MACROD2: variants seen among roughly 807,000 people sequenced by gnomAD.
The protein encoded by MACROD2 is mono-ADP ribosylhydrolase 2.
Under a neutral mutation model 70.4 loss-of-function variants are expected in MACROD2, and 36 were observed. The ratio of observed to expected loss-of-function variants is 0.51; its 90% confidence interval spans 0.39 to 0.68. MACROD2 has a LOEUF of 0.68. Among genes scored for constraint, MACROD2 ranks in the 30% least tolerant of loss-of-function variants. The probability of loss-of-function intolerance (pLI) is 0.00; values close to 1 mark genes in which losing one functional copy is unlikely to be tolerated. For synonymous variants in MACROD2, 172 were observed against 178.8 expected, an observed-to-expected ratio of 0.96 and a Z score of 0.30; for missense variants, 496 against 538.4, an observed-to-expected ratio of 0.92 and a Z score of 0.78.
At chr20:15,151,800 A>G (rs2076271837) in intron 5 of MACROD2, among the ~76,000 whole-genome samples, 1 of 152,004 alleles carries the variant, frequency 6.6e-6, no homozygotes, top group Admixed American at 6.6e-5. Context: ...CTAGTCATGG[A>G]ACGAAACTGT....
chr20:15,077,004 A>G (rs893884923), intron 5 of MACROD2, among the ~76,000 whole-genome samples: 2 of 152,180 alleles, frequency 1.3e-5, no homozygotes, highest in African/African-American at 4.8e-5. Context: ...AACAATGTTT[A>G]CAGTGTTTTA....
At chr20:15,231,763 C>T (rs1029252944) in intron 6 of MACROD2, among the ~76,000 whole-genome samples, 6 of 151,948 alleles carry the variant, frequency 3.9e-5, no homozygotes, top group African/African-American at 1.4e-4. Flanking sequence ...TGCAGATGGG[C>T]TGAAGTAATG....
At chr20:15,145,078 A>G (rs1427842866) in intron 5 of MACROD2, among the ~76,000 whole-genome samples, 2 of 152,132 alleles carry the variant, frequency 1.3e-5, no homozygotes, top group Non-Finnish European at 2.9e-5. Flanking sequence ...AACTCAGTAA[A>G]TGGTTATCTT....
rs1293219913 is a variant in MACROD2 at position 15,978,100 on chromosome 20, T to C, written c.986-8627T>C. Among the ~76,000 whole-genome samples the C allele has an allele frequency of 5.9e-5, 9 of 152,178 alleles. 1 individual carries two copies. The highest frequency in any genetic ancestry group is 1.3e-4 in the Non-Finnish European group (9 of 68,012). On this transcript the variant is annotated intron_variant, in intron 13 of 17. Transcript: ENST00000684519. ...TTGCATGCAAATCACATGGACATCT[T>C]GTTATACAATGCAGGCTCTGATTCT...
At chr20:15,087,642 C>T (rs936329067) in intron 5 of MACROD2, among the ~76,000 whole-genome samples, 6 of 151,680 alleles carry the variant, frequency 4.0e-5, no homozygotes, top group Admixed American at 6.6e-5. Flanking sequence ...TTTAACTTTG[C>T]GGTAGGAGAG....
intron 7 of MACROD2, among the ~76,000 whole-genome samples, chr20:15,440,171 G>A (rs187642007): frequency 8.5e-5 from 13 of 152,210 alleles, no homozygotes; most frequent in Admixed American, 3.9e-4. Flanking sequence ...AGTGTATTCC[G>A]TGAGTACTTA....
chr20:14,597,737 C>G (rs1568690673), intron 4 of MACROD2, among the ~76,000 whole-genome samples: 1 of 151,978 alleles, frequency 6.6e-6, no homozygotes, highest in Non-Finnish European at 1.5e-5. Context: ...CTTTCCTTTT[C>G]CTTTTTTTGG....
At chr20:15,406,070 G>T (rs2045996611) in intron 6 of MACROD2, among the ~76,000 whole-genome samples, 1 of 152,114 alleles carries the variant, frequency 6.6e-6, no homozygotes, top group Admixed American at 6.6e-5. Flanking sequence ...GAGAGGAGAG[G>T]TTTTTCCCCT....
chr20:15,365,383 A>T (rs1196436967), intron 6 of MACROD2, among the ~76,000 whole-genome samples: 1 of 152,102 alleles, frequency 6.6e-6, no homozygotes, highest in African/African-American at 2.4e-5. Context: ...ATATTGGAAG[A>T]GGCCAGGCAT....
chr20:15,649,460 G>A (rs1378052404), intron 8 of MACROD2, among the ~76,000 whole-genome samples: 1 of 151,980 alleles, frequency 6.6e-6, no homozygotes, highest in Non-Finnish European at 1.5e-5. Flanking sequence ...TTATGACAGA[G>A]CTCACTCATT....
intron 9 of MACROD2, among the ~76,000 whole-genome samples, chr20:15,876,310 G>T (rs141429125): frequency 0.018 from 2,714 of 151,598 alleles, 91 homozygotes; most frequent in African/African-American, 0.063. Context: ...TTCCCTTCCT[G>T]TGTCCAAGTG....
chr20:15,422,044 C>CA (rs1365459991), intron 6 of MACROD2, among the ~76,000 whole-genome samples: 2 of 152,152 alleles, frequency 1.3e-5, no homozygotes, highest in African/African-American at 2.4e-5. Flanking sequence ...GGAGTAGAAT[C>CA]ATGCTTTGTG....
chr20:14,488,392 G>C (rs1486353732), intron 3 of MACROD2, among the ~76,000 whole-genome samples: 1 of 152,130 alleles, frequency 6.6e-6, no homozygotes, highest in Non-Finnish European at 1.5e-5. Flanking sequence ...AGGGTGACTG[G>C]TATGTAGCAC....
chr20:15,944,437 A>G (rs1308418616), intron 12 of MACROD2, among the ~76,000 whole-genome samples: 2 of 94,504 alleles, frequency 2.1e-5, no homozygotes, highest in African/African-American at 5.6e-5. Flanking sequence ...GTATTCTGCA[A>G]TGCATAAAAG....
At chr20:15,931,289 G>A (rs2065572772) in intron 10 of MACROD2, among the ~76,000 whole-genome samples, 2 of 152,146 alleles carry the variant, frequency 1.3e-5, no homozygotes, top group African/African-American at 4.8e-5. Context: ...TGTAGTACTT[G>A]TAAATATGCC....
At chr20:14,840,874 G>A (rs946855284) in intron 5 of MACROD2, among the ~76,000 whole-genome samples, 2 of 152,054 alleles carry the variant, frequency 1.3e-5, no homozygotes, top group Non-Finnish European at 2.9e-5. Context: ...CTTAAAGAGT[G>A]CAGGGCTAGT....
intron 15 of MACROD2, among the ~76,000 whole-genome samples, chr20:15,989,935 C>G (rs2066535902): frequency 6.6e-6 from 1 of 151,930 alleles, no homozygotes; most frequent in African/African-American, 2.4e-5. Flanking sequence ...GATACATCTT[C>G]TATGGCTCCC....
chr20:14,438,108 C>G (rs2122949687), intron 3 of MACROD2, among the ~76,000 whole-genome samples: 1 of 152,268 alleles, frequency 6.6e-6, no homozygotes, highest in South Asian at 2.1e-4. Flanking sequence ...TTTCCTCCTC[C>G]CACCTCAACC....
chr20:14,778,230 A>G (rs1287937490), intron 5 of MACROD2, among the ~76,000 whole-genome samples: 1 of 152,146 alleles, frequency 6.6e-6, no homozygotes, highest in Non-Finnish European at 1.5e-5. Context: ...GGCAGTAAAC[A>G]GCAGGCAAAC....
Sources: gnomAD v4.1 joint callset for allele counts (sites outside exome capture counted in the v4.1 genomes callset) on GRCh38, gnomAD v4.1.1 for gene constraint, MANE v1.5 for transcripts, NCBI Gene and HGNC (gene_info 2026-07-23, HGNC 2026-07-21) for gene names.